Variants in CDH13 observed in about 807,000 individuals in gnomAD.
CDH13 encodes the protein cadherin-13.
In CDH13, 24 loss-of-function variants were observed where a neutral mutation model predicts 63.8. That is an observed-to-expected ratio of 0.38 (90% confidence interval 0.27 to 0.53). The LOEUF is 0.53. Ranked by LOEUF, CDH13 falls within the 20% of genes least tolerant of loss-of-function variation. The pLI is 0.85. For synonymous variants in CDH13, 503 were observed against 355.3 expected (o/e 1.42, Z -4.67); for missense variants, 1,049 against 903.1 (o/e 1.16, Z -2.07).
chr16:83,091,796 G>A (rs887934023), intron 3 of CDH13, among the ~76,000 whole-genome samples: 4 of 152,192 alleles, frequency 2.6e-5, no homozygotes, highest in African/African-American at 9.7e-5. Flanking sequence ...CCTGGCACAT[G>A]GTGGGTGTAT....
chr16:82,686,796 A>T (rs1415523083), intron 1 of CDH13, among the ~76,000 whole-genome samples: 2 of 152,180 alleles, frequency 1.3e-5, no homozygotes, highest in Non-Finnish European at 2.9e-5. Context: ...TTGAGTAATC[A>T]TTTTGGGTAT....
At chr16:83,626,879 C>T (rs1019208950) in intron 8 of CDH13, among the ~76,000 whole-genome samples, 1 of 152,148 alleles carries the variant, frequency 6.6e-6, no homozygotes, top group African/African-American at 2.4e-5. Flanking sequence ...GATGCCGCTG[C>T]GCCTGTGCTG....
intron 1 of CDH13, among the ~76,000 whole-genome samples, chr16:82,833,307 A>G (rs754510067): frequency 3.9e-5 from 6 of 152,192 alleles, no homozygotes; most frequent in African/African-American, 4.8e-5. Context: ...ATCCTGCAAA[A>G]TAATTCTCAC....
At chr16:83,579,697 C>G (rs1458847074) in intron 7 of CDH13, among the ~76,000 whole-genome samples, 1 of 152,058 alleles carries the variant, frequency 6.6e-6, no homozygotes, top group Non-Finnish European at 1.5e-5. Flanking sequence ...TATTCAGCAC[C>G]TGTCATCCCT....
At chr16:83,664,862 A>G (rs990681906) in intron 8 of CDH13, among the ~76,000 whole-genome samples, 7 of 152,328 alleles carry the variant, frequency 4.6e-5, no homozygotes, top group Non-Finnish European at 1.0e-4. Flanking sequence ...AAATTGTCAG[A>G]TATGTTGTAG....
At chr16:82,955,829 A>G (rs1794117160) in intron 2 of CDH13, among the ~76,000 whole-genome samples, 2 of 152,356 alleles carry the variant, frequency 1.3e-5, no homozygotes, top group South Asian at 2.1e-4. Flanking sequence ...CACAAGAAAG[A>G]AGTGGAAAAC....
At chr16:83,405,214 G>A (rs775048691) in intron 6 of CDH13, among the ~76,000 whole-genome samples, 6 of 152,062 alleles carry the variant, frequency 3.9e-5, no homozygotes, top group Non-Finnish European at 7.4e-5. Flanking sequence ...TACTAGCTGT[G>A]TAAGTAGCTG....
chr16:83,025,881 G>A (rs146735023), intron 2 of CDH13, among the ~76,000 whole-genome samples: 3 of 152,108 alleles, frequency 2.0e-5, no homozygotes, highest in Non-Finnish European at 4.4e-5. Context: ...TAATCAGGGG[G>A]AGCTTTTAAG....
chr16:83,031,432 C>T (rs992729633), intron 2 of CDH13, among the ~76,000 whole-genome samples: 4 of 148,920 alleles, frequency 2.7e-5, no homozygotes, highest in Admixed American at 6.7e-5. Flanking sequence ...ATGGTATATA[C>T]ATGTACATGT....
rs869202510 is a variant in CDH13, at chr16:83,602,107, C to CAAAAAAAAAAAAAAAAAAAAAAAAAAA, written c.961-337_961-311dup. 5.0e-4 allele frequency among the ~76,000 whole-genome samples: 4 copies of CAAAAAAAAAAAAAAAAAAAAAAAAAAA among 7,960 alleles called. 1 individual carries two copies. Among genetic ancestry groups the CAAAAAAAAAAAAAAAAAAAAAAAAAAA allele is most frequent in the African/African-American group, 8.0e-4 (1 of 1,252 alleles). 5.2% of individuals were successfully genotyped at this position (7,960 alleles called of 152,430 possible). A position where few individuals can be genotyped will look rare whatever the true frequency, so the allele number is the denominator to read the frequency against. On this transcript the variant is annotated intron_variant, in intron 7 of 13. Coordinates refer to ENST00000567109, the MANE Select transcript of CDH13 (RefSeq NM_001257.5). Reference sequence around the variant, plus strand: ...CAAAAAAAAAAAAAAAGAACAACAACAAAAAAAAAAAAAAAAAAAAAAAAA... The same window carrying CAAAAAAAAAAAAAAAAAAAAAAAAAAA: ...CAAAAAAAAAAAAAAAGAACAACAACAAAAAAAAAAAAAAAAAAAAAAAAAAAAAAAAAAAAAAAAAAAAAAAAAAAA...
intron 1 of CDH13, among the ~76,000 whole-genome samples, chr16:82,696,334 A>G (rs947471208): frequency 2.0e-5 from 3 of 152,238 alleles, no homozygotes; most frequent in African/African-American, 7.2e-5. Flanking sequence ...TTACTTTCTA[A>G]CAAAAATTAG....
intron 1 of CDH13, among the ~76,000 whole-genome samples, chr16:82,853,285 A>G (rs1446818701): frequency 6.6e-6 from 1 of 152,236 alleles, no homozygotes; most frequent in African/African-American, 2.4e-5. Flanking sequence ...TGTAGTCTAA[A>G]CAGTCTATTC....
intron 10 of CDH13, among the ~76,000 whole-genome samples, chr16:83,708,753 G>A (rs544809902): frequency 2.0e-4 from 31 of 152,316 alleles, no homozygotes; most frequent in Admixed American, 1.0e-3. Flanking sequence ...GGCCAAGCGC[G>A]GTGGCTCATG....
chr16:83,735,116 T>G (rs1911419323), intron 10 of CDH13, among the ~76,000 whole-genome samples: 1 of 152,180 alleles, frequency 6.6e-6, no homozygotes, highest in Non-Finnish European at 1.5e-5. Flanking sequence ...TAGGCTAGTC[T>G]CACAGTGAAC....
chr16:82,651,406 A>C (rs1427871701), intron 1 of CDH13, among the ~76,000 whole-genome samples: 1 of 152,228 alleles, frequency 6.6e-6, no homozygotes, highest in Non-Finnish European at 1.5e-5. Context: ...GACATTTTGC[A>C]GTTAAGAAAA....
intron 6 of CDH13, among the ~76,000 whole-genome samples, chr16:83,402,178 T>C (rs894315229): frequency 6.6e-6 from 1 of 152,156 alleles, no homozygotes; most frequent in Non-Finnish European, 1.5e-5. Context: ...GTTGTTATTA[T>C]CATTACTCCT....
chr16:83,023,448 A>G (rs1218784782), intron 2 of CDH13, among the ~76,000 whole-genome samples: 1 of 152,186 alleles, frequency 6.6e-6, no homozygotes, highest in African/African-American at 2.4e-5. Flanking sequence ...TCCGTGAGAA[A>G]CTATGTAGGG....
intron 5 of CDH13, among the ~76,000 whole-genome samples, chr16:83,217,782 G>C (rs1014342655): frequency 1.3e-5 from 2 of 152,092 alleles, no homozygotes; most frequent in African/African-American, 4.8e-5. Flanking sequence ...GAACCCTTAG[G>C]GCAACTTTGG....
chr16:83,565,938 C>T (rs973463884), intron 7 of CDH13, among the ~76,000 whole-genome samples: 2 of 152,112 alleles, frequency 1.3e-5, no homozygotes, highest in Non-Finnish European at 2.9e-5. Flanking sequence ...TCTGATCTTT[C>T]TTCTTTCAGC....
Sources: allele counts gnomAD v4.1 joint callset (sites outside exome capture counted in the v4.1 genomes callset), GRCh38; gene constraint gnomAD v4.1.1; transcripts MANE v1.5; gene names NCBI Gene and HGNC (gene_info 2026-07-23, HGNC 2026-07-21).